The following LMBRD2 variants were observed in gnomAD, a reference collection of about 807,000 sequenced individuals.
LMBRD2 encodes LMBR1 domain containing 2.
A neutral mutation model predicts 94.4 loss-of-function variants in LMBRD2; 55 were observed. The observed-to-expected ratio is 0.58, with a 90% CI of 0.47 to 0.73. The LOEUF (loss-of-function observed/expected upper bound fraction) is 0.73, where lower values mean the gene tolerates loss of function less well. LMBRD2 is among the 30% of genes least tolerant of loss of function. LMBRD2 has a pLI of 0.00. For synonymous variants in LMBRD2, 246 were observed against 272.4 expected (o/e 0.90, Z 0.95); for missense variants, 640 against 831.9 (o/e 0.77, Z 2.84).
chr5:36,127,608 T>C (rs1030546081), intron 6 of LMBRD2, among the ~76,000 whole-genome samples: 7 of 152,186 alleles, frequency 4.6e-5, no homozygotes, highest in Admixed American at 2.0e-4. Context: ...GGGCCTTGAA[T>C]GAACACTGGA....
chr5:36,102,756 G>T lies in LMBRD2; in HGVS notation c.*1290C>A, dbSNP rs561311272. On this transcript the variant is annotated 3_prime_UTR_variant, in exon 18 of 18. Transcript: ENST00000296603. ...AACCATATAATTCATCTTCAAACTG[G>T]GTGGGATACTTGAGGGTGAAAGTAA... The T allele has an allele frequency of 1.3e-5, 2 of 151,578 alleles. No homozygotes were observed. Among genetic ancestry groups the T allele is most frequent in the Non-Finnish European group, 3.0e-5 (2 of 67,730 alleles). 9.4% of individuals were successfully genotyped at this position (151,578 alleles called of 1,614,324 possible). A position where few individuals can be genotyped will look rare whatever the true frequency, so the allele number is the denominator to read the frequency against.
rs1743315045 is a variant in LMBRD2, at chr5:36,099,993, C to T, written c.*4053G>A. On this transcript the variant is annotated 3_prime_UTR_variant, in exon 18 of 18. Coordinates refer to ENST00000296603, the MANE Select transcript of LMBRD2 (RefSeq NM_001007527.2). Reference sequence around the variant, plus strand: ...GGAAATTGCTCCTAGGGCCTTGTCTCCAGGAGTTGGGAAAGGGGAAAGAAA... The same window carrying T: ...GGAAATTGCTCCTAGGGCCTTGTCTTCAGGAGTTGGGAAAGGGGAAAGAAA... 1 of 151,994 alleles carries T rather than the reference C, an allele frequency of 6.6e-6. No individual in the cohort carries two copies. The highest frequency in any genetic ancestry group is 2.4e-5 in the African/African-American group (1 of 41,376). The allele number at this position is 151,994 out of a possible 1,614,324, so 9.4% of individuals were successfully genotyped here.
intron 6 of LMBRD2, among the ~76,000 whole-genome samples, chr5:36,132,963 A>G (rs1472084366): frequency 6.6e-6 from 1 of 151,592 alleles, no homozygotes; most frequent in Non-Finnish European, 1.5e-5. Flanking sequence ...AATTAGTACA[A>G]CTACTATGGA....
Position 36,136,412 on chromosome 5 carries a change from T to A in LMBRD2, c.644A>T (p.Asn215Ile). ...GLVEIPRSYW[N>I]GAKRGYLLMK... ...AAGTAGATAACCCCTTTTTGCTCCA[T>A]TCCAGTATGATCGAGGAATTTCCAC... The change falls in exon 6 of 18, where the codon AAT (asparagine) becomes ATT (isoleucine). Residue 215 changes from asparagine to isoleucine, a missense_variant. By Grantham distance (149) the Asn-to-Ile change is moderately radical (BLOSUM62 -3). Around this residue, in one of 2 missense-constraint regions of LMBRD2, gnomAD observed 457 missense variants for 642.8 expected, o/e 0.71. Coordinates refer to ENST00000296603, the MANE Select transcript of LMBRD2 (RefSeq NM_001007527.2). The A allele has an allele frequency of 6.2e-7, 1 of 1,614,062 alleles. No homozygotes were observed. Among genetic ancestry groups the A allele is most frequent in the Non-Finnish European group, 8.5e-7 (1 of 1,179,942 alleles).
chr5:36,136,850 T>C (rs1744283136), intron 5 of LMBRD2, among the ~76,000 whole-genome samples: 1 of 152,100 alleles, frequency 6.6e-6, no homozygotes, highest in African/African-American at 2.4e-5. Context: ...ATATTACAAA[T>C]CATAAGTATA....
chr5:36,146,705 T>C (rs1270877600), intron 1 of LMBRD2, among the ~76,000 whole-genome samples: 4 of 152,136 alleles, frequency 2.6e-5, no homozygotes, highest in Admixed American at 6.6e-5. Flanking sequence ...GTTATAGGAC[T>C]GAGATCCCTG....
intron 6 of LMBRD2, among the ~76,000 whole-genome samples, chr5:36,127,913 G>A (rs77472415): frequency 0.027 from 4,051 of 152,224 alleles, 83 homozygotes; most frequent in Non-Finnish European, 0.038. Flanking sequence ...AAACATAGAC[G>A]GTAGCCAGGC....
intron 3 of LMBRD2, among the ~76,000 whole-genome samples, chr5:36,142,261 ACTT>A (rs1744427327): frequency 6.6e-6 from 1 of 152,212 alleles, no homozygotes; most frequent in African/African-American, 2.4e-5. Context: ...AAAAATCAGG[ACTT>A]CTTCAAGTTT....
Position 36,116,522 on chromosome 5 carries a change from A to C in LMBRD2, c.1374T>G (p.Phe458Leu). 6.2e-7 allele frequency: 1 copy of C among 1,612,920 alleles called. No individual in the cohort carries two copies. The highest frequency in any genetic ancestry group is 2.2e-5 in the East Asian group (1 of 44,840). ...GATGTGAGGCCAAATAATAATAGTT[A>C]AATACACGAATCCTGAACACAGTAG... Reference protein sequence around the residue: ...VYSTVFRIRVFNYYYLASHHQ... With the variant: ...VYSTVFRIRVLNYYYLASHHQ... The change falls in exon 11 of 18, where the codon TTT becomes TTG. Residue 458 changes from phenylalanine (F) to leucine (L), a missense_variant. By Grantham distance (22) the Phe-to-Leu change is conservative (BLOSUM62 0). This residue lies in a region of LMBRD2 where 457 missense variants were observed against 642.8 expected (regional missense o/e 0.71). Transcript: ENST00000296603.
chr5:36,119,054 A>C (rs1055295497), intron 9 of LMBRD2, among the ~76,000 whole-genome samples: 3 of 152,160 alleles, frequency 2.0e-5, no homozygotes, highest in African/African-American at 4.8e-5. Context: ...AAGCTCAATA[A>C]ATTAAAAAGC....
Position 36,114,522 on chromosome 5 carries a change from C to A in LMBRD2, c.1543-1G>T. On this transcript the variant is annotated splice_acceptor_variant, in intron 12 of 17. Transcript: ENST00000296603. LOFTEE classifies it high-confidence loss of function. ...ATAAAACTTTCATGGAACCCATAAT[C>A]TGAAGAGCAAGAAAAAAGTAAGTTA... is the stretch of plus-strand genomic sequence containing the variant. 1 of 1,529,788 alleles carries A rather than the reference C, an allele frequency of 6.5e-7. No homozygotes were observed. Among genetic ancestry groups the A allele is most frequent in the Non-Finnish European group, 8.7e-7 (1 of 1,146,886 alleles). The allele number at this position is 1,529,788 out of a possible 1,614,324, so 94.8% of individuals were successfully genotyped here.
intron 1 of LMBRD2, among the ~76,000 whole-genome samples, chr5:36,149,775 G>A (rs140274224): frequency 1.4e-4 from 21 of 152,274 alleles, no homozygotes; most frequent in African/African-American, 4.8e-4. Flanking sequence ...GCGTGGTGGC[G>A]CATGCCTGTA....
intron 9 of LMBRD2, among the ~76,000 whole-genome samples, chr5:36,119,997 TTCTC>T (rs964551475): frequency 6.9e-6 from 1 of 145,738 alleles, no homozygotes; most frequent in Non-Finnish European, 1.5e-5. Flanking sequence ...TTTCTTTTCT[TTCTC>T]TTTCTTTCTT....
In LMBRD2 at chr5:36,103,815, C is replaced by A; in HGVS notation, c.*231G>T. 1 of 326,924 alleles carries A rather than the reference C, an allele frequency of 3.1e-6. No homozygotes were observed. Among genetic ancestry groups the A allele is most frequent in the Non-Finnish European group, 5.7e-6 (1 of 175,442 alleles). 20.3% of individuals were successfully genotyped at this position (326,924 alleles called of 1,614,324 possible). On this transcript the variant is annotated 3_prime_UTR_variant, in exon 18 of 18. Coordinates refer to ENST00000296603, the MANE Select transcript of LMBRD2 (RefSeq NM_001007527.2). ...AAGTCCTTCCACTGTAACTGTATTT[C>A]TAAGGCAGATGCTTAGGAAATGATA...
At chr5:36,115,146 A>G (rs1189123352) in intron 11 of LMBRD2, 26 bp from the exon 12 acceptor site, 8 of 1,417,056 alleles carry the variant, frequency 5.6e-6, no homozygotes, top group Admixed American at 1.9e-5. Flanking sequence ...AAAAATATGT[A>G]TATAAAAAGT....
At chr5:36,123,931 T>C (rs1743945946) in intron 7 of LMBRD2, among the ~76,000 whole-genome samples, 1 of 151,922 alleles carries the variant, frequency 6.6e-6, no homozygotes, top group African/African-American at 2.4e-5. Flanking sequence ...TAAAGGTTTA[T>C]TTCCATCATT....
chr5:36,142,470 T>G, intron 3 of LMBRD2, 32 bp downstream of exon 3: 1 of 1,248,256 alleles, frequency 8.0e-7, no homozygotes, highest in Non-Finnish European at 1.2e-6. Context: ...TCCCCTACAA[T>G]GTTTATATAT....
intron 6 of LMBRD2, among the ~76,000 whole-genome samples, chr5:36,129,048 G>C (rs1744074630): frequency 6.6e-6 from 1 of 152,058 alleles, no homozygotes; most frequent in African/African-American, 2.4e-5. Context: ...TTGGCTATTT[G>C]AAAATATGGT....
intron 9 of LMBRD2, among the ~76,000 whole-genome samples, chr5:36,119,923 A>G (rs556762316): frequency 3.8e-4 from 58 of 151,940 alleles, no homozygotes; most frequent in African/African-American, 1.4e-3. Flanking sequence ...CCACCATCTC[A>G]TCTCTACTAG....
Sources: allele counts gnomAD v4.1 joint callset (sites outside exome capture counted in the v4.1 genomes callset), GRCh38; gene constraint gnomAD v4.1.1; regional missense constraint gnomAD v4.1.1; transcripts MANE v1.5; gene names NCBI Gene and HGNC (gene_info 2026-07-23, HGNC 2026-07-21).